TTN: variants seen among roughly 807,000 people sequenced by gnomAD.
The protein encoded by TTN is titin.
Under a neutral mutation model 3,223.0 loss-of-function variants are expected in TTN, and 1,525 were observed. The observed-to-expected ratio is 0.47, with a 90% CI of 0.45 to 0.49. The LOEUF (loss-of-function observed/expected upper bound fraction) is 0.49, where lower values mean the gene tolerates loss of function less well. TTN is among the 20% of genes least tolerant of loss of function. The pLI, the probability that TTN is intolerant of heterozygous loss-of-function variation, is 0.00. For missense variants in TTN, 40,786 were observed against 43,424.0 expected, an observed-to-expected ratio of 0.94 and a Z score of 5.40; for synonymous variants, 14,094 against 15,161.0, an observed-to-expected ratio of 0.93 and a Z score of 5.17.
chr2:178,621,623 A>T lies in TTN; in HGVS notation c.45201T>A (p.Asp15067Glu), dbSNP rs745901229. ...ATCTTCCTGTTTCAATGATCTCCTC[A>T]TCCCCTTTATACCAAATCACTTCTG... ...PGAEVIWYKG[D>E]EEIIETGRYE... Residue 15067 changes from aspartate (D) to glutamate (E), a missense_variant, in exon 245 of 363, where the codon GAT becomes GAA. Transcript: ENST00000589042. 1.1e-5 allele frequency: 17 copies of T among 1,612,420 alleles called. No homozygotes were observed. The highest frequency in any genetic ancestry group is 1.4e-5 in the Non-Finnish European group (17 of 1,179,078).
At chr2:178,748,166 T>G in intron 47 of TTN, 1 of 1,613,170 alleles carries the variant, frequency 6.2e-7, no homozygotes, top group Non-Finnish European at 8.5e-7. Flanking sequence ...AAGATCAGTT[T>G]CTTCTATATC....
At chr2:178,793,659 G>A in intron 8 of TTN, 118 bp from the exon 9 acceptor site, 1 of 1,401,640 alleles carries the variant, frequency 7.1e-7, no homozygotes, top group South Asian at 1.2e-5. Context: ...AATTAGCTGG[G>A]TGTGGTGGCG....
rs1296805014 is a variant in TTN at position 178,575,574 on chromosome 2, G to T, written c.70558C>A (p.Pro23520Thr). 1 of 1,613,474 alleles carries T rather than the reference G, an allele frequency of 6.2e-7. No homozygotes were observed. Among genetic ancestry groups the T allele is most frequent in the Non-Finnish European group, 8.5e-7 (1 of 1,179,656 alleles). The change falls in exon 326 of 363, where the codon CCA (proline) becomes ACA (threonine). Residue 23520 changes from proline (P) to threonine (T), a missense_variant. Physicochemically the swap from Pro to Thr is conservative, Grantham distance 38. Coordinates refer to ENST00000589042, the MANE Select transcript of TTN (RefSeq NM_001267550.2). The surrounding 1 kb of genome is among the most constrained non-coding windows in gnomAD (Gnocchi z 4.0). Reference sequence around the variant, plus strand: ...TTTACGGGCTCTGTAGTTTCTGTTGGCTCACCAATTCCATATTCATTCTCT... The same window carrying T: ...TTTACGGGCTCTGTAGTTTCTGTTGTCTCACCAATTCCATATTCATTCTCT... The part of the protein sequence containing the change: ...MAENEYGIGE[P>T]TETTEPVKAS...
chr2:178,794,965 C>T lies in TTN; in HGVS notation c.1202G>A (p.Ser401Asn). 2 of 1,605,718 alleles carry T rather than the reference C, an allele frequency of 1.2e-6. No individual in the cohort carries two copies. Among genetic ancestry groups the T allele is most frequent in the Non-Finnish European group, 1.7e-6 (2 of 1,179,970 alleles). ...AAGAAASVSASASYAAEAVAT... is the reference protein window; with the variant it reads ...AAGAAASVSANASYAAEAVAT... ...AACAGCCTCTGCTGCGTAGCTAGCA[C>T]TGGCCGACACACTGGCGGCAGCACC... Residue 401 changes from serine to asparagine, a missense_variant, in exon 7 of 363, where the codon AGT becomes AAT. Coordinates refer to ENST00000589042, the MANE Select transcript of TTN (RefSeq NM_001267550.2).
At chr2:178,644,674 T>G (rs1227624778) in intron 217 of TTN, 58 bp from the exon 218 acceptor site, 1 of 1,330,032 alleles carries the variant, frequency 7.5e-7, no homozygotes, top group Non-Finnish European at 1.0e-6. Context: ...AGCAAGTGAT[T>G]AACTTTCTAC....
chr2:178,741,710 T>A lies in TTN; in HGVS notation c.11523A>T (p.Val3841=). 6.2e-7 allele frequency: 1 copy of A among 1,613,750 alleles called. No homozygotes were observed. Among genetic ancestry groups the A allele is most frequent in the Non-Finnish European group, 8.5e-7 (1 of 1,179,748 alleles). ...TAGGTTTGGGGATGCCAATGACAGT[T>A]ACAGACAGTGTAGCCACATCCCCCA... ...ISMGDVATLS[V]TVIGIPKPKI... is the part of the protein sequence containing the mutation. The change falls in exon 48 of 363, where the codon GTA becomes GTT. Residue 3841 remains valine, a synonymous_variant. Transcript: ENST00000589042.
rs377752584 is a variant in TTN, at chr2:178,572,177, A to C, written c.73955T>G (p.Ile24652Ser). Residue 24652 changes from isoleucine (I) to serine (S), a missense_variant, in exon 326 of 363, where the codon ATT becomes AGT. Physicochemically the swap from Ile to Ser is moderately radical, Grantham distance 142. Transcript: ENST00000589042. ...ACTGCCTTTGGTCTGCATCTCCACA[A>C]TGTAGCCTAGAATTCGGCTGCCTCC... Reference protein sequence around the residue: ...HDGGSRILGYIVEMQTKGSDK... With the variant: ...HDGGSRILGYSVEMQTKGSDK... 2 of 1,613,442 alleles carry C rather than the reference A, an allele frequency of 1.2e-6. No homozygotes were observed. Among genetic ancestry groups the C allele is most frequent in the Admixed American group, 1.7e-5 (1 of 59,984 alleles).
chr2:178,608,670 A>G lies in TTN; in HGVS notation c.52341T>C (p.Ala17447=). 1 of 1,612,108 alleles carries G rather than the reference A, an allele frequency of 6.2e-7. No homozygotes were observed. Among genetic ancestry groups the G allele is most frequent in the South Asian group, 1.1e-5 (1 of 90,940 alleles). Residue 17447 remains alanine, a synonymous_variant, in exon 274 of 363, where the codon GCT becomes GCC. Transcript: ENST00000589042. ...EGKEYLFRVR[A]ENRFGPGPPC... ...GTGGACCTGGCCCAAATCTGTTTTC[A>G]GCTCTTACACGGAAGAGGTACTCTT...
chr2:178,608,126 A>T (rs376703654), intron 275 of TTN, 45 bp from the exon 276 acceptor site: 2 of 1,604,908 alleles, frequency 1.2e-6, no homozygotes, highest in Non-Finnish European at 1.7e-6. Context: ...TGATGGTTTT[A>T]AAATGTACAA....
intron 48 of TTN, 32 bp downstream of exon 48, chr2:178,739,109 G>A (rs1195324613): frequency 6.7e-7 from 1 of 1,486,516 alleles, no homozygotes; most frequent in East Asian, 2.3e-5. Flanking sequence ...GTGAATGTTA[G>A]CATTTGATCT....
chr2:178,579,541 A>G lies in TTN; in HGVS notation c.67636+20T>C. 3 of 1,608,374 alleles carry G rather than the reference A, an allele frequency of 1.9e-6. No individual in the cohort carries two copies. Among genetic ancestry groups the G allele is most frequent in the Non-Finnish European group, 2.5e-6 (3 of 1,178,452 alleles). On this transcript the variant is annotated intron_variant, in intron 319 of 362. Coordinates refer to ENST00000589042, the MANE Select transcript of TTN (RefSeq NM_001267550.2). ...CGATGACAATAAAGGAAAAATGAAG[A>G]TGTGTGCATAGAGCCTTACCAACAT...
chr2:178,577,372 A>G lies in TTN; in HGVS notation c.68963T>C (p.Ile22988Thr), dbSNP rs2046671312. 6.2e-7 allele frequency: 1 copy of G among 1,612,992 alleles called. No individual in the cohort carries two copies. The highest frequency in any genetic ancestry group is 1.1e-5 in the South Asian group (1 of 91,018). The change falls in exon 324 of 363, where the codon ATT (isoleucine) becomes ACT (threonine). Residue 22988 changes from isoleucine (I) to threonine (T), a missense_variant. Coordinates refer to ENST00000589042, the MANE Select transcript of TTN (RefSeq NM_001267550.2). ...TATCTGAGTGATATCTGATGGTCTAATGTCTTTTCCTGCCTTGGACCAACT... is the reference window on the plus strand; with the variant it reads ...TATCTGAGTGATATCTGATGGTCTAGTGTCTTTTCCTGCCTTGGACCAACT... ...KSSWSKAGKDIRPSDITQITS... is the reference protein window; with the variant it reads ...KSSWSKAGKDTRPSDITQITS...
At position 178,598,516 on chromosome 2, in the gene TTN, T is replaced by G; in HGVS notation, c.57101A>C (p.Glu19034Ala). 1.9e-6 allele frequency: 3 copies of G among 1,605,798 alleles called. No homozygotes were observed. In the South Asian group the frequency reaches 3.4e-5, roughly 18 times the overall value. ...IVEYKEEGKEEWEKGKDKEVR... is the reference protein window; with the variant it reads ...IVEYKEEGKEAWEKGKDKEVR... Reference sequence around the variant, plus strand: ...GCCAAGTTTTCCTACCTTTTCCCATTCTTCTTTTCCTTCTTCTTTATATTC... The same window carrying G: ...GCCAAGTTTTCCTACCTTTTCCCATGCTTCTTTTCCTTCTTCTTTATATTC... Residue 19034 changes from glutamate (E) to alanine (A), a missense_variant, in exon 292 of 363, where the codon GAA (glutamate) becomes GCA (alanine). Glu to Ala is a moderately radical substitution (Grantham distance 107). Coordinates refer to ENST00000589042, the MANE Select transcript of TTN (RefSeq NM_001267550.2).
Position 178,794,460 on chromosome 2 carries a change from A to G in TTN, c.1337T>C (p.Val446Ala), listed in dbSNP as rs2093667217. 1 of 1,614,206 alleles carries G rather than the reference A, an allele frequency of 6.2e-7. No individual in the cohort carries two copies. The highest frequency in any genetic ancestry group is 1.1e-5 in the South Asian group (1 of 91,086). Residue 446 changes from valine to alanine, a missense_variant, in exon 8 of 363, where the codon GTA becomes GCA. Transcript: ENST00000589042. ...GGTTGTCCTCTGAGCAGTCTGCTCT[A>G]CAGCGCTGATCACTGGTTCTCTCAC... ...ARVREPVISA[V>A]EQTAQRTTTT... is the part of the protein sequence containing the mutation.
At chr2:178,691,275 G>A (rs770120664) in intron 121 of TTN, among the ~76,000 whole-genome samples, 1 of 152,114 alleles carries the variant, frequency 6.6e-6, no homozygotes, top group African/African-American at 2.4e-5. Context: ...GAATGGATGC[G>A]TGCAATTGTA....
rs1278318251 is a variant in TTN at position 178,616,500 on chromosome 2, G to C, written c.48291C>G (p.Val16097=). The C allele has an allele frequency of 6.2e-7, 1 of 1,612,214 alleles. No homozygotes were observed. Among genetic ancestry groups the C allele is most frequent in the East Asian group, 2.2e-5 (1 of 44,752 alleles). The change falls in exon 257 of 363, where the codon GTC becomes GTG. Residue 16097 remains valine (V), a synonymous_variant. Transcript: ENST00000589042. ...TCACTTTAGTCCATGTTTTCCGGCT[G>C]ACTTCTCGTTTTTCAACAACGTATC... ...LTGYVVEKRE[V]SRKTWTKVMD...
Position 178,766,469 on chromosome 2 carries a change from C to G in TTN, c.9615G>C (p.Met3205Ile). Residue 3205 changes from methionine to isoleucine, a missense_variant, in exon 41 of 363, where the codon ATG becomes ATC. By Grantham distance (10) the Met-to-Ile change is conservative. Transcript: ENST00000589042. The stretch of plus-strand genomic sequence containing the variant: ...CGCTCTGTCTGGTCTCAGAGATAAA[C>G]ATTCGGTGGATTCTTCTTTCCACTA... ...KYVVERRIHR[M>I]FISETRQSDA... is the part of the protein sequence containing the mutation. 1 of 1,614,118 alleles carries G rather than the reference C, an allele frequency of 6.2e-7. No homozygotes were observed. The highest frequency in any genetic ancestry group is 8.5e-7 in the Non-Finnish European group (1 of 1,179,998).
chr2:178,568,858 A>G lies in TTN; in HGVS notation c.77274T>C (p.Ile25758=). 6.2e-7 allele frequency: 1 copy of G among 1,613,164 alleles called. No individual in the cohort carries two copies. The highest frequency in any genetic ancestry group is 8.5e-7 in the Non-Finnish European group (1 of 1,179,564). ...ATTCTTCCCCTTGAGTTAGGTTGGT[A>G]ATTACTGCCTGAAGAGACTTTACTC... The part of the protein sequence containing the change: ...CARVKSLQAV[I]TNLTQGEEYL... The change falls in exon 326 of 363, where the codon ATT becomes ATC. Residue 25758 remains isoleucine (I), a synonymous_variant. Coordinates refer to ENST00000589042, the MANE Select transcript of TTN (RefSeq NM_001267550.2).
rs1199752059 is a variant in TTN, at chr2:178,587,386, A to G, written c.63825T>C (p.Val21275=). Reference sequence around the variant, plus strand: ...GGCATGATGTTTTAGTGACATCTGAAACTTTTAAATCAGACACAGGCCCAG... The same window carrying G: ...GGCATGATGTTTTAGTGACATCTGAGACTTTTAAATCAGACACAGGCCCAG... The part of the protein sequence containing the change: ...DTPGPVSDLK[V]SDVTKTSCHV... Residue 21275 remains valine, a synonymous_variant, in exon 307 of 363, where the codon GTT becomes GTC. Coordinates refer to ENST00000589042, the MANE Select transcript of TTN (RefSeq NM_001267550.2). 1 of 1,611,386 alleles carries G rather than the reference A, an allele frequency of 6.2e-7. No individual in the cohort carries two copies. Among genetic ancestry groups the G allele is most frequent in the Non-Finnish European group, 8.5e-7 (1 of 1,178,682 alleles).
Sources: gnomAD v4.1 joint callset for allele counts (sites outside exome capture counted in the v4.1 genomes callset) on GRCh38, gnomAD v4.1.1 for gene constraint, Gnocchi (gnomAD v3.1) non-coding constraint, MANE v1.5 for transcripts, NCBI Gene and HGNC (gene_info 2026-07-23, HGNC 2026-07-21) for gene names.